SP100: variants seen among roughly 807,000 people sequenced by gnomAD.
SP100 encodes nuclear autoantigen Sp-100.
Under a neutral mutation model 130.0 loss-of-function variants are expected in SP100, and 84 were observed. That is an observed-to-expected ratio of 0.65 (90% CI 0.54 to 0.77). The LOEUF (loss-of-function observed/expected upper bound fraction) is 0.77. SP100 is among the 30% of genes least tolerant of loss of function. SP100 has a pLI of 0.00. For synonymous variants in SP100, 331 were observed against 351.7 expected (o/e 0.94, Z 0.66); for missense variants, 978 against 1,052.2 (o/e 0.93, Z 0.97).
At position 230,509,927 on chromosome 2, in the gene SP100, G is replaced by A. The variant is rs183801192; in HGVS notation, c.2053-1198G>A. On this transcript the variant is annotated intron_variant, in intron 23 of 28. Transcript: ENST00000340126. ...TACAAAGCTCCAGGTGATGGGCTTG[G>A]CCAATGAAATAATGCAAAACAAAGG... 746 of 152,444 alleles carry A rather than the reference G, an allele frequency of 4.9e-3. 4 individuals carry two copies. Among genetic ancestry groups the A allele is most frequent in the Non-Finnish European group, 8.1e-3 (549 of 68,040 alleles). The allele number at this position is 152,444 out of a possible 1,614,324, so 9.4% of individuals were successfully genotyped here. A position where few individuals can be genotyped will look rare whatever the true frequency, so the allele number is the denominator to read the frequency against.
Position 230,504,235 on chromosome 2 carries a change from TC to T in SP100, c.1817del (p.Pro606LeufsTer2), listed in dbSNP as rs2067197653. The T allele has an allele frequency of 1.1e-5, 17 of 1,613,172 alleles. No homozygotes were observed. The highest frequency in any genetic ancestry group is 1.4e-5 in the Non-Finnish European group (17 of 1,179,366). ...ENINFKQSEL[P>X]VTCGEVKGTL... ...ATATTAATTTTAAACAATCTGAACT[TC>T]CTGTGACCTGTGGTGAGGTGAAGGG... On this transcript the variant is annotated frameshift_variant, in exon 21 of 29. Coordinates refer to ENST00000340126, the MANE Select transcript of SP100 (RefSeq NM_001080391.2). LOFTEE classifies it high-confidence loss of function.
intron 24 of SP100, among the ~76,000 whole-genome samples, chr2:230,526,328 G>C (rs936078983): frequency 1.3e-5 from 2 of 152,214 alleles, no homozygotes; most frequent in South Asian, 2.1e-4. Flanking sequence ...GGGTCTGACT[G>C]TTAGAAGGAA....
At chr2:230,450,426 G>C (rs943018443) in intron 8 of SP100, among the ~76,000 whole-genome samples, 171 bp downstream of exon 8, 1 of 152,158 alleles carries the variant, frequency 6.6e-6, no homozygotes, top group Non-Finnish European at 1.5e-5. Flanking sequence ...TGTACACATT[G>C]TGAAAAGGCT....
chr2:230,494,426 A>T lies in SP100; in HGVS notation c.1611A>T (p.Arg537Ser), dbSNP rs2066554709. The T allele has an allele frequency of 2.5e-6, 4 of 1,605,220 alleles. No individual in the cohort carries two copies. The South Asian group carries it at 3.3e-5, about 13-fold the overall frequency. ...EKHSGKRRKKRRHRSKVNGLQ... is the reference protein window; with the variant it reads ...EKHSGKRRKKSRHRSKVNGLQ... ...CTTTTCTGTTTGCAGGAAAAAAGAGAAGGCATAGATCTAAAGTAAATGGTC... is the reference window on the plus strand; with the variant it reads ...CTTTTCTGTTTGCAGGAAAAAAGAGTAGGCATAGATCTAAAGTAAATGGTC... The change falls in exon 18 of 29, where the codon AGA becomes AGT. Residue 537 changes from arginine to serine, a missense_variant. Arg to Ser is a moderately radical substitution (Grantham distance 110). Coordinates refer to ENST00000340126, the MANE Select transcript of SP100 (RefSeq NM_001080391.2).
intron 24 of SP100, among the ~76,000 whole-genome samples, chr2:230,528,400 C>A (rs1691532907): frequency 1.3e-5 from 2 of 152,268 alleles, no homozygotes; most frequent in South Asian, 4.1e-4. Flanking sequence ...ACACAGTGTA[C>A]CAGAATCTCT....
At chr2:230,429,142 T>C (rs2063025480) in intron 2 of SP100, among the ~76,000 whole-genome samples, 1 of 152,194 alleles carries the variant, frequency 6.6e-6, no homozygotes, top group African/African-American at 2.4e-5. Context: ...GGTCTAGTGA[T>C]GATGGATTCC....
chr2:230,503,859 A>T (rs1308387254), intron 20 of SP100, among the ~76,000 whole-genome samples: 1 of 152,236 alleles, frequency 6.6e-6, no homozygotes, highest in Admixed American at 6.5e-5. Context: ...TTAACACAAC[A>T]TCAAAGCAAT....
At position 230,543,848 on chromosome 2, in the gene SP100, C is replaced by A. The variant is rs1488318524; in HGVS notation, c.*902C>A. On this transcript the variant is annotated 3_prime_UTR_variant, in exon 29 of 29. Transcript: ENST00000340126. ...AGAACCAAAAAAGAGCCCAAATAGC[C>A]AAGGCAATCCTAAGCAAAAAGAACA... 5 of 152,044 alleles carry A rather than the reference C, an allele frequency of 3.3e-5. No individual in the cohort carries two copies. Among genetic ancestry groups the A allele is most frequent in the African/African-American group, 1.2e-4 (5 of 41,398 alleles). 9.4% of individuals were successfully genotyped at this position (152,044 alleles called of 1,614,324 possible). A position where few individuals can be genotyped will look rare whatever the true frequency, so the allele number is the denominator to read the frequency against.
At chr2:230,496,160 A>G (rs1212627929) in intron 18 of SP100, among the ~76,000 whole-genome samples, 1 of 152,076 alleles carries the variant, frequency 6.6e-6, no homozygotes, top group Non-Finnish European at 1.5e-5. Context: ...TACCTTAACT[A>G]TTTTATTAAA....
In SP100 at chr2:230,470,047, A is replaced by G; in HGVS notation, c.1378A>G (p.Asn460Asp). The G allele has an allele frequency of 1.2e-6, 2 of 1,612,714 alleles. No homozygotes were observed. The highest frequency in any genetic ancestry group is 1.7e-6 in the Non-Finnish European group (2 of 1,179,268). Residue 460 changes from asparagine to aspartate, a missense_variant, in exon 15 of 29, where the codon AAT (asparagine) becomes GAT (aspartate). Asn to Asp is a conservative substitution (Grantham distance 23). Transcript: ENST00000340126. ...CAGTAGTGACTTTTCAGACCTGAGT[A>G]ATGGAGAAGAGCTTCAGGAAACCTG... ...FSSSDFSDLS[N>D]GEELQETCSS...
chr2:230,544,480 G>A lies in SP100; in HGVS notation c.*1534G>A, dbSNP rs1275510029. ...TAACCCCATTAAAAAGTGGGCAAAG[G>A]ACATGAAAGACACTTTTTTTTTTTA... On this transcript the variant is annotated 3_prime_UTR_variant, in exon 29 of 29. Transcript: ENST00000340126. Among the ~76,000 whole-genome samples, 1 of 123,108 alleles carries A rather than the reference G, an allele frequency of 8.1e-6. No homozygotes were observed. The highest frequency in any genetic ancestry group is 2.1e-4 in the East Asian group (1 of 4,742). 80.8% of individuals were successfully genotyped at this position (123,108 alleles called of 152,430 possible). A position where few individuals can be genotyped will look rare whatever the true frequency, so the allele number is the denominator to read the frequency against.
chr2:230,532,975 TTCA>T (rs1691773204), intron 24 of SP100, among the ~76,000 whole-genome samples: 1 of 152,116 alleles, frequency 6.6e-6, no homozygotes, highest in South Asian at 2.1e-4. Flanking sequence ...GAGACGAGGT[TTCA>T]TCATGTTGGC....
chr2:230,465,302 G>A (rs1575665663), intron 11 of SP100, among the ~76,000 whole-genome samples: 1 of 152,188 alleles, frequency 6.6e-6, no homozygotes, highest in South Asian at 2.1e-4. Context: ...GGGAGGCTGA[G>A]GTGAGAGAGT....
At chr2:230,534,228 A>T (rs1294346101) in intron 24 of SP100, among the ~76,000 whole-genome samples, 2 of 152,146 alleles carry the variant, frequency 1.3e-5, no homozygotes, top group Non-Finnish European at 2.9e-5. Flanking sequence ...TAACATGGTG[A>T]AACTCCATCT....
rs753303581 is a variant in SP100 at position 230,450,249 on chromosome 2, G to A, written c.814G>A (p.Glu272Lys). Residue 272 changes from glutamate to lysine, a missense_variant, in exon 8 of 29, where the codon GAA becomes AAA. By Grantham distance (56) the Glu-to-Lys change is moderately conservative (BLOSUM62 1). Transcript: ENST00000340126. ...REMPCPLPCD[E>K]ESPEAELHNH... ...GATGCCCTGCCCGTTGCCCTGTGAT[G>A]AAGAAAGTAATTATTGCTTACCTTG... is the stretch of plus-strand genomic sequence containing the variant. 6.2e-7 allele frequency: 1 copy of A among 1,610,998 alleles called. No homozygotes were observed. The highest frequency in any genetic ancestry group is 1.1e-5 in the South Asian group (1 of 90,944).
intron 24 of SP100, among the ~76,000 whole-genome samples, chr2:230,513,597 T>C (rs1350706386): frequency 1.3e-5 from 2 of 152,188 alleles, no homozygotes; most frequent in Admixed American, 6.5e-5. Context: ...CTTCATTCCT[T>C]GTCAATGGGA....
chr2:230,438,648 T>TACAC lies in SP100; in HGVS notation c.108-4253_108-4250dup, dbSNP rs796889943. On this transcript the variant is annotated intron_variant, in intron 2 of 28. Coordinates refer to ENST00000340126, the MANE Select transcript of SP100 (RefSeq NM_001080391.2). Reference sequence around the variant, plus strand: ...AGTAGTACTCCATGGTGTATATATATACACACACACACACACACACACACA... The same window carrying TACAC: ...AGTAGTACTCCATGGTGTATATATATACACACACACACACACACACACACACACA... Among the ~76,000 whole-genome samples, 1,072 of 127,428 alleles carry TACAC rather than the reference T, an allele frequency of 8.4e-3. 11 individuals are homozygous for TACAC. Among genetic ancestry groups the TACAC allele is most frequent in the South Asian group, 0.015 (59 of 3,974 alleles). 83.6% of individuals were successfully genotyped at this position (127,428 alleles called of 152,430 possible). A position where few individuals can be genotyped will look rare whatever the true frequency, so the allele number is the denominator to read the frequency against.
intron 24 of SP100, among the ~76,000 whole-genome samples, chr2:230,529,814 G>A (rs1197965529): frequency 2.6e-5 from 4 of 152,124 alleles, no homozygotes; most frequent in Non-Finnish European, 5.9e-5. Context: ...AATCATGAGT[G>A]AACTCCCATT....
intron 17 of SP100, among the ~76,000 whole-genome samples, chr2:230,481,003 G>A (rs1049294652): frequency 3.4e-5 from 5 of 148,198 alleles, no homozygotes; most frequent in Non-Finnish European, 6.0e-5. Flanking sequence ...GATGTTGGTG[G>A]TAGTGTGGAT....
Sources: allele counts gnomAD v4.1 joint callset (sites outside exome capture counted in the v4.1 genomes callset), GRCh38; gene constraint gnomAD v4.1.1; transcripts MANE v1.5; gene names NCBI Gene and HGNC (gene_info 2026-07-23, HGNC 2026-07-21).